Variants in SMAP1 observed in about 807,000 individuals in gnomAD.
SMAP1 encodes the protein stromal membrane-associated protein 1.
A neutral mutation model predicts 58.5 loss-of-function variants in SMAP1; 24 were observed. The observed-to-expected ratio is 0.41, with a 90% CI of 0.30 to 0.58. The LOEUF (loss-of-function observed/expected upper bound fraction) is 0.58, where lower values mean the gene tolerates loss of function less well. Among genes scored for constraint, SMAP1 ranks in the 20% least tolerant of loss-of-function variants. The probability of loss-of-function intolerance (pLI) is 0.29; values close to 1 mark genes in which losing one functional copy is unlikely to be tolerated. For missense variants in SMAP1, 563 were observed against 566.3 expected, an observed-to-expected ratio of 0.99 and a Z score of 0.06; for synonymous variants, 216 against 196.6, an observed-to-expected ratio of 1.10 and a Z score of -0.82.
intron 6 of SMAP1, among the ~76,000 whole-genome samples, chr6:70,826,271 A>G (rs1306334407): frequency 6.6e-6 from 1 of 152,232 alleles, no homozygotes; most frequent in African/African-American, 2.4e-5. Context: ...GAGAAATGCT[A>G]CAAACTAGGG....
chr6:70,835,247 G>A (rs540166871), intron 6 of SMAP1, among the ~76,000 whole-genome samples: 22 of 106,724 alleles, frequency 2.1e-4, no homozygotes, highest in South Asian at 3.5e-4. Context: ...GCGAGACTCC[G>A]TCTCAAAAAA....
chr6:70,798,535 A>T, intron 5 of SMAP1, 122 bp from the exon 6 acceptor site: 1 of 666,024 alleles, frequency 1.5e-6, no homozygotes, highest in Non-Finnish European at 2.5e-6. Context: ...AGTAGCACGT[A>T]GATATTGTAA....
intron 6 of SMAP1, among the ~76,000 whole-genome samples, chr6:70,835,608 C>A (rs532814054): frequency 1.2e-4 from 19 of 152,082 alleles, no homozygotes; most frequent in Non-Finnish European, 2.5e-4. Context: ...CTGGGCTCAA[C>A]CAATCCTCCA....
chr6:70,735,482 T>C (rs1156945568), intron 2 of SMAP1, among the ~76,000 whole-genome samples: 3 of 152,188 alleles, frequency 2.0e-5, no homozygotes, highest in African/African-American at 7.2e-5. Flanking sequence ...TTCTTTGATA[T>C]AAAAAGTGCT....
At chr6:70,708,931 A>T (rs1767947793) in intron 1 of SMAP1, among the ~76,000 whole-genome samples, 1 of 152,006 alleles carries the variant, frequency 6.6e-6, no homozygotes, top group Non-Finnish European at 1.5e-5. Context: ...CATTTTGTTG[A>T]TTGTTTCCTT....
chr6:70,727,388 C>T (rs2347431), intron 1 of SMAP1, among the ~76,000 whole-genome samples: 66,065 of 152,058 alleles, frequency 0.43, 14,722 homozygotes, highest in South Asian at 0.5. Context: ...GGATTACAGG[C>T]GTGAGCCACT....
At chr6:70,687,058 A>G (rs1766965292) in intron 1 of SMAP1, among the ~76,000 whole-genome samples, 1 of 152,186 alleles carries the variant, frequency 6.6e-6, no homozygotes, top group Admixed American at 6.5e-5. Context: ...CACTAGCCAT[A>G]AGGCTATTTA....
At chr6:70,856,804 A>G in intron 8 of SMAP1, 55 bp from the exon 9 acceptor site, 2 of 1,486,770 alleles carry the variant, frequency 1.3e-6, no homozygotes, top group Non-Finnish European at 1.8e-6. Flanking sequence ...TAAGTAATGG[A>G]TAAGCTGCGC....
intron 1 of SMAP1, among the ~76,000 whole-genome samples, chr6:70,711,833 T>G (rs1028633634): frequency 7.2e-5 from 11 of 152,216 alleles, no homozygotes; most frequent in Non-Finnish European, 1.6e-4. Context: ...ATATTTTTAA[T>G]GGAGTCATTA....
At chr6:70,803,555 C>G (rs180765086) in intron 6 of SMAP1, among the ~76,000 whole-genome samples, 1 of 152,086 alleles carries the variant, frequency 6.6e-6, no homozygotes, top group Non-Finnish European at 1.5e-5. Context: ...TTTGTTTGCT[C>G]TTGCTTCTGT....
intron 1 of SMAP1, among the ~76,000 whole-genome samples, chr6:70,709,225 A>G (rs1400035263): frequency 3.3e-5 from 5 of 152,134 alleles, no homozygotes; most frequent in African/African-American, 1.2e-4. Context: ...TTACTTGACC[A>G]TATATGCTTG....
chr6:70,668,321 A>G (rs1766119200), intron 1 of SMAP1, among the ~76,000 whole-genome samples, 180 bp downstream of exon 1: 1 of 151,816 alleles, frequency 6.6e-6, no homozygotes, highest in Non-Finnish European at 1.5e-5. Context: ...CAAGTCCGCC[A>G]GAGGCGGCGG....
rs35936929 is a variant in SMAP1 at position 70,763,106 on chromosome 6, C to CTTTTTTTTT, written c.338+8057_338+8065dup. Among the ~76,000 whole-genome samples the CTTTTTTTTT allele has an allele frequency of 9.4e-4, 79 of 84,468 alleles. 8 individuals are homozygous for CTTTTTTTTT. The highest frequency in any genetic ancestry group is 1.2e-3 in the African/African-American group (25 of 20,538). The allele number at this position is 84,468 out of a possible 152,430, so 55.4% of individuals were successfully genotyped here. A position where few individuals can be genotyped will look rare whatever the true frequency, so the allele number is the denominator to read the frequency against. On this transcript the variant is annotated intron_variant, in intron 3 of 10. Transcript: ENST00000370455. ...CTTTATTTGCACTGTACAGATATTA[C>CTTTTTTTTT]TTTTTTTTTTTTTTTTTTTTTTTTA... is the stretch of plus-strand genomic sequence containing the variant.
chr6:70,725,498 T>A (rs763504772), intron 1 of SMAP1, among the ~76,000 whole-genome samples: 45 of 152,058 alleles, frequency 3.0e-4, no homozygotes, highest in Non-Finnish European at 4.7e-4. Context: ...GAAGGGCTAG[T>A]CAGTGCTCTT....
chr6:70,748,576 CT>C (rs1032938420), intron 2 of SMAP1, among the ~76,000 whole-genome samples: 2 of 151,876 alleles, frequency 1.3e-5, no homozygotes, highest in African/African-American at 4.8e-5. Context: ...TATGAGAAGA[CT>C]TTTTTCTCCT....
At chr6:70,787,337 A>T (rs902810728) in intron 4 of SMAP1, among the ~76,000 whole-genome samples, 9 of 152,246 alleles carry the variant, frequency 5.9e-5, no homozygotes, top group African/African-American at 2.2e-4. Flanking sequence ...ACCTAAAACC[A>T]TAAAAGCCCT....
chr6:70,773,070 G>T (rs1767396871), intron 3 of SMAP1: 1 of 317,272 alleles, frequency 3.2e-6, no homozygotes. Context: ...CATTGATAGT[G>T]GTGGTGGTGA....
chr6:70,685,033 A>C (rs1766876983), intron 1 of SMAP1, among the ~76,000 whole-genome samples: 2 of 152,174 alleles, frequency 1.3e-5, no homozygotes, highest in Non-Finnish European at 2.9e-5. Context: ...TACCTGTGTC[A>C]CAGGGTTGTG....
chr6:70,711,840 A>G (rs1233826537), intron 1 of SMAP1, among the ~76,000 whole-genome samples: 2 of 152,144 alleles, frequency 1.3e-5, no homozygotes, highest in East Asian at 3.9e-4. Flanking sequence ...TAATGGAGTC[A>G]TTAGTATTTT....
Sources: allele counts gnomAD v4.1 joint callset (sites outside exome capture counted in the v4.1 genomes callset), GRCh38; gene constraint gnomAD v4.1.1; transcripts MANE v1.5; gene names NCBI Gene and HGNC (gene_info 2026-07-23, HGNC 2026-07-21).